Variants in PNPLA7 observed in about 807,000 individuals in gnomAD.
The protein encoded by PNPLA7 is patatin like domain 7, lysophospholipase, also known as patatin-like phospholipase domain-containing protein 7.
A neutral mutation model predicts 161.7 loss-of-function variants in PNPLA7; 153 were observed. That is an observed-to-expected ratio of 0.95 (90% confidence interval 0.83 to 1.08). The LOEUF (loss-of-function observed/expected upper bound fraction) is 1.08. PNPLA7 is among the 50% of genes least tolerant of loss of function. The pLI is 0.00. For synonymous variants in PNPLA7, 809 were observed against 782.1 expected (o/e 1.03, Z -0.57); for missense variants, 1,739 against 1,856.6 (o/e 0.94, Z 1.16).
chr9:137,507,019 C>A (rs993986387), intron 12 of PNPLA7, among the ~76,000 whole-genome samples: 1 of 152,228 alleles, frequency 6.6e-6, no homozygotes, highest in Non-Finnish European at 1.5e-5. Context: ...GGAACCAGGC[C>A]CAGGAGCACA....
At chr9:137,461,021 A>G in intron 33 of PNPLA7, 1 of 433,706 alleles carries the variant, frequency 2.3e-6, no homozygotes, top group South Asian at 2.5e-5. Context: ...GGGCTCCAGC[A>G]CCCCAGACCT....
At chr9:137,464,069 C>G in intron 28 of PNPLA7, 57 bp downstream of exon 28, 1 of 1,572,618 alleles carries the variant, frequency 6.4e-7, no homozygotes, top group Non-Finnish European at 8.7e-7. Context: ...CTGCTGAGCT[C>G]TCCCCCTGCC....
chr9:137,502,436 A>G (rs537457514), intron 14 of PNPLA7, among the ~76,000 whole-genome samples: 17 of 151,318 alleles, frequency 1.1e-4, no homozygotes, highest in African/African-American at 3.4e-4. Flanking sequence ...CCCCCCCAAA[A>G]GAGAAATGAC....
At position 137,497,238 on chromosome 9, in the gene PNPLA7, A is replaced by G. The variant is rs61747296; in HGVS notation, c.1962T>C (p.Asp654=). ...ACTCCCCGGCCAGGCGCTTCTTCCC[A>G]TCATCCTTCCGGATCACAGAGCGCA... ...GRLRSVIRKD[D]GKKRLAGEYG... The change falls in exon 18 of 35, where the codon GAT becomes GAC. Residue 654 remains aspartate (D), a synonymous_variant. Transcript: ENST00000406427. The G allele has an allele frequency of 3.5e-3, 5,496 of 1,592,662 alleles. 107 individuals are homozygous for G. The African/African-American group carries it at 0.053, about 15-fold the overall frequency.
At chr9:137,487,898 G>A (rs779809986) in intron 20 of PNPLA7, among the ~76,000 whole-genome samples, 16 of 152,212 alleles carry the variant, frequency 1.1e-4, no homozygotes, top group Non-Finnish European at 2.1e-4. Flanking sequence ...CACCTTCACC[G>A]CACGCACTTC....
chr9:137,480,798 A>G, intron 22 of PNPLA7, 162 bp downstream of exon 22: 1 of 867,432 alleles, frequency 1.2e-6, no homozygotes, highest in Non-Finnish European at 1.8e-6. Flanking sequence ...AGCGCTGCCC[A>G]GTGTGTCCAG....
intron 8 of PNPLA7, among the ~76,000 whole-genome samples, chr9:137,538,089 G>A (rs1004432540): frequency 1.3e-5 from 2 of 152,166 alleles, no homozygotes; most frequent in Non-Finnish European, 2.9e-5. Flanking sequence ...GTGCACAGAG[G>A]TGGATCTGGT....
chr9:137,479,518 C>T (rs1832104818), intron 23 of PNPLA7: 11 of 1,169,284 alleles, frequency 9.4e-6, no homozygotes, highest in Non-Finnish European at 1.2e-5. Flanking sequence ...CACACAGCAA[C>T]CTTTCCAAAT....
intron 24 of PNPLA7, 118 bp downstream of exon 24, chr9:137,478,938 G>T: frequency 7.7e-7 from 1 of 1,306,842 alleles, no homozygotes; most frequent in Non-Finnish European, 1.0e-6. Context: ...CACAAGCACA[G>T]GAAGGGCCCA....
At chr9:137,466,548 C>T (rs1399698306) in intron 26 of PNPLA7, among the ~76,000 whole-genome samples, 1 of 151,604 alleles carries the variant, frequency 6.6e-6, no homozygotes, top group Non-Finnish European at 1.5e-5. Context: ...CCATCTCCAC[C>T]ATCTCAGACC....
At chr9:137,488,118 C>T (rs913660133) in intron 20 of PNPLA7, among the ~76,000 whole-genome samples, 1 of 152,260 alleles carries the variant, frequency 6.6e-6, no homozygotes, top group African/African-American at 2.4e-5. Context: ...TCATCCTGAG[C>T]TTCGGCCTGA....
chr9:137,522,344 GGTT>G (rs1835063418), intron 9 of PNPLA7, among the ~76,000 whole-genome samples: 1 of 151,288 alleles, frequency 6.6e-6, no homozygotes, highest in Non-Finnish European at 1.5e-5. Flanking sequence ...ACAGTGCTGG[GGTT>G]ACAGGCGGGA....
In PNPLA7 at chr9:137,523,046, A is replaced by G. The variant is rs1173148954; in HGVS notation, c.748-189T>C. On this transcript the variant is annotated intron_variant, in intron 8 of 34. Transcript: ENST00000406427. This position sits in a 1 kb window ranked among gnomAD's most constrained non-coding sequence, Gnocchi z 4.4. ...GCTGCACACGTTTTTTGACTGTCCA[A>G]GACATGTGCGGCGAAGGACTGGCTG... 7.2e-5 allele frequency among the ~76,000 whole-genome samples: 11 copies of G among 152,172 alleles called. No individual in the cohort carries two copies. Among genetic ancestry groups the G allele is most frequent in the Admixed American group, 6.5e-4 (10 of 15,284 alleles).
At chr9:137,489,065 A>T (rs1326992386) in intron 20 of PNPLA7, among the ~76,000 whole-genome samples, 1 of 140,492 alleles carries the variant, frequency 7.1e-6, no homozygotes, top group Non-Finnish European at 1.5e-5. Context: ...ATCCCTCCCA[A>T]CTGTGCACCC....
intron 20 of PNPLA7, among the ~76,000 whole-genome samples, chr9:137,491,047 AACC>A (rs1292501256): frequency 6.6e-6 from 1 of 152,210 alleles, no homozygotes; most frequent in African/African-American, 2.4e-5. Context: ...ACATCATGGA[AACC>A]ACAGTTGATA....
rs1353002682 is a variant in PNPLA7, at chr9:137,464,097, CG to C, written c.3226+28del. On this transcript the variant is annotated intron_variant, in intron 28 of 34. Transcript: ENST00000406427. ...CCCCTGCCCACACCTCGCACCCAAG[CG>C]GCCGCCCTGCGCAGCAGGAGTGCTC... 1.1e-5 allele frequency: 17 copies of C among 1,608,384 alleles called. No individual in the cohort carries two copies. The Middle Eastern group carries it at 5.2e-4, about 49-fold the overall frequency.
At chr9:137,478,330 G>A (rs542785890) in intron 24 of PNPLA7, 178 bp from the exon 25 acceptor site, 11 of 434,834 alleles carry the variant, frequency 2.5e-5, no homozygotes, top group African/African-American at 1.2e-4. Context: ...TGCCCGGACC[G>A]GGCCCCAGAG....
rs1832975520 is a variant in PNPLA7, at chr9:137,495,037, G to C, written c.2123C>G (p.Pro708Arg). 6.2e-7 allele frequency: 1 copy of C among 1,608,460 alleles called. No individual in the cohort carries two copies. The highest frequency in any genetic ancestry group is 8.5e-7 in the Non-Finnish European group (1 of 1,177,968). ...GALTSIKRRYPQVVTRLIHLL... is the reference protein window; with the variant it reads ...GALTSIKRRYRQVVTRLIHLL... ...CCTCACCCACGCCATGCTCACCTGTGGGTACCTGCGCTTGATGGACGTGAG... is the reference window on the plus strand; with the variant it reads ...CCTCACCCACGCCATGCTCACCTGTCGGTACCTGCGCTTGATGGACGTGAG... Residue 708 changes from proline (P) to arginine (R), a missense_variant, in exon 19 of 35, where the codon CCA becomes CGA. Pro to Arg is a moderately radical substitution (Grantham distance 103, BLOSUM62 -2). This residue lies in a region of PNPLA7 where 192 missense variants were observed against 249.5 expected (regional missense o/e 0.77). Transcript: ENST00000406427.
At chr9:137,484,463 C>G (rs761333349) in intron 21 of PNPLA7, 124 bp downstream of exon 21, 2 of 1,098,974 alleles carry the variant, frequency 1.8e-6, no homozygotes, top group Admixed American at 6.4e-5. Flanking sequence ...CTACCGAACA[C>G]TGACCCCAAC....
Sources: gnomAD v4.1 joint callset for allele counts (sites outside exome capture counted in the v4.1 genomes callset) on GRCh38, gnomAD v4.1.1 for gene constraint, gnomAD v4.1.1 regional missense constraint, Gnocchi (gnomAD v3.1) non-coding constraint, MANE v1.5 for transcripts, NCBI Gene and HGNC (gene_info 2026-07-23, HGNC 2026-07-21) for gene names.